Variants in VAV2 observed in about 807,000 individuals in gnomAD.
VAV2 encodes the protein guanine nucleotide exchange factor VAV2.
In VAV2, 67 loss-of-function variants were observed where a neutral mutation model predicts 132.5. The ratio of observed to expected loss-of-function variants is 0.51; its 90% CI spans 0.42 to 0.62. The LOEUF (loss-of-function observed/expected upper bound fraction) is 0.62, where lower values mean the gene tolerates loss of function less well. Among genes scored for constraint, VAV2 ranks in the 20% least tolerant of loss-of-function variants. VAV2 has a pLI of 0.00. For synonymous variants in VAV2, 492 were observed against 443.5 expected (o/e 1.11, Z -1.37); for missense variants, 938 against 1,153.6 (o/e 0.81, Z 2.71).
chr9:133,894,257 C>T (rs1021989967), intron 2 of VAV2, among the ~76,000 whole-genome samples: 5 of 152,260 alleles, frequency 3.3e-5, no homozygotes, highest in Admixed American at 1.3e-4. Context: ...AGCCGGGGCC[C>T]GGCCTGGCCA....
At chr9:133,797,020 C>T (rs762380313) in intron 10 of VAV2, among the ~76,000 whole-genome samples, 5 of 152,198 alleles carry the variant, frequency 3.3e-5, no homozygotes, top group East Asian at 1.9e-4. Flanking sequence ...TGGGGGGCAT[C>T]GTGCATCTCT....
chr9:133,838,389 G>A (rs1212621489), intron 3 of VAV2, among the ~76,000 whole-genome samples: 1 of 148,802 alleles, frequency 6.7e-6, no homozygotes, highest in Non-Finnish European at 1.5e-5. Flanking sequence ...GGCGGGGGGT[G>A]GATGGTTGGC....
intron 2 of VAV2, among the ~76,000 whole-genome samples, chr9:133,933,672 G>C (rs1840771976): frequency 1.0e-5 from 1 of 99,124 alleles, no homozygotes; most frequent in Non-Finnish European, 2.4e-5. Flanking sequence ...TGGGTGGACG[G>C]ATGGATAGAT....
intron 2 of VAV2, among the ~76,000 whole-genome samples, chr9:133,908,109 C>A (rs1047430245): frequency 2.7e-5 from 4 of 149,500 alleles, no homozygotes; most frequent in African/African-American, 9.9e-5. Flanking sequence ...TCTGGGGGCA[C>A]CCCTCCCACC....
Position 133,812,227 on chromosome 9 carries a change from G to A in VAV2, c.450-11C>T, listed in dbSNP as rs776807427. 1.4e-5 allele frequency: 22 copies of A among 1,613,370 alleles called. No homozygotes were observed. Among genetic ancestry groups the A allele is most frequent in the Middle Eastern group, 1.7e-4 (1 of 6,058 alleles). ...CCCAGGTCATGCTCGCTGCACAGGAGGAGGCGGGTTAGAGGGGAGGGGAGG... is the reference window on the plus strand; with the variant it reads ...CCCAGGTCATGCTCGCTGCACAGGAAGAGGCGGGTTAGAGGGGAGGGGAGG... On this transcript the variant is annotated splice_polypyrimidine_tract_variant and intron_variant, in intron 4 of 29. Coordinates refer to ENST00000371850, the MANE Select transcript of VAV2 (RefSeq NM_001134398.2).
At chr9:133,967,552 T>C (rs941769973) in intron 1 of VAV2, among the ~76,000 whole-genome samples, 1 of 152,052 alleles carries the variant, frequency 6.6e-6, no homozygotes, top group Non-Finnish European at 1.5e-5. Context: ...TATTCAGCCA[T>C]GAAAAAGAAT....
At chr9:133,776,148 T>C (rs578082730) in intron 23 of VAV2, 68 bp from the exon 24 acceptor site, 38 of 1,578,586 alleles carry the variant, frequency 2.4e-5, no homozygotes, top group Non-Finnish European at 3.3e-5. Context: ...TCAGAGGGGG[T>C]CATTGTCAGT....
rs1462758379 is a variant in VAV2 at position 133,824,358 on chromosome 9, G to C, written c.449+9914C>G. ...CACCAGCCCTCAGTTCCCGAGAACA[G>C]ACACAGCAGAGACCAGGACCCTCCT... On this transcript the variant is annotated intron_variant, in intron 4 of 29. Coordinates refer to ENST00000371850, the MANE Select transcript of VAV2 (RefSeq NM_001134398.2). This position sits in a 1 kb window ranked among gnomAD's most constrained non-coding sequence, Gnocchi z 5.2. 6.6e-6 allele frequency among the ~76,000 whole-genome samples: 1 copy of C among 152,032 alleles called. No individual in the cohort carries two copies. The highest frequency in any genetic ancestry group is 1.5e-5 in the Non-Finnish European group (1 of 68,006).
rs1324800709 is a variant in VAV2 at position 133,928,534 on chromosome 9, A to C, written c.321+10569T>G. 1.3e-5 allele frequency among the ~76,000 whole-genome samples: 2 copies of C among 152,216 alleles called. No homozygotes were observed. Among genetic ancestry groups the C allele is most frequent in the African/African-American group, 4.8e-5 (2 of 41,446 alleles). ...GTGCAAATGAACTCACCGCAGCATT[A>C]GCATCTCAGAGTCATCAGACCGACT... On this transcript the variant is annotated intron_variant, in intron 2 of 29. Transcript: ENST00000371850. The surrounding 1 kb of genome is among the most constrained non-coding windows in gnomAD (Gnocchi z 5.4).
At chr9:133,902,388 C>T (rs1047181828) in intron 2 of VAV2, among the ~76,000 whole-genome samples, 3 of 152,190 alleles carry the variant, frequency 2.0e-5, no homozygotes, top group African/African-American at 7.2e-5. Context: ...GGCCTTGGGG[C>T]TACCACATCC....
chr9:133,962,105 C>G (rs1841984801), intron 1 of VAV2, among the ~76,000 whole-genome samples: 1 of 152,130 alleles, frequency 6.6e-6, no homozygotes, highest in Non-Finnish European at 1.5e-5. Flanking sequence ...CAGACAGAAC[C>G]CCACAGGAGT....
At chr9:133,986,286 C>T (rs562050919) in intron 1 of VAV2, among the ~76,000 whole-genome samples, 6 of 152,286 alleles carry the variant, frequency 3.9e-5, no homozygotes, top group East Asian at 3.9e-4. Flanking sequence ...CGTGACCTGA[C>T]GCTGCTGATG....
At chr9:133,849,839 C>T (rs904344985) in intron 3 of VAV2, among the ~76,000 whole-genome samples, 1 of 152,230 alleles carries the variant, frequency 6.6e-6, no homozygotes, top group African/African-American at 2.4e-5. Context: ...GGACACTTGT[C>T]ATTGGATTTA....
At position 133,763,956 on chromosome 9, in the gene VAV2, G is replaced by A; in HGVS notation, c.*106C>T. ...CTATCCCTGTGGGCAGTGGAAGACT[G>A]GGAGGTTGGTATTTCCCCTCTGAGT... is the stretch of plus-strand genomic sequence containing the variant. On this transcript the variant is annotated 3_prime_UTR_variant, in exon 30 of 30. Transcript: ENST00000371850. This position sits in a 1 kb window ranked among gnomAD's most constrained non-coding sequence, Gnocchi z 6.8. The A allele has an allele frequency of 7.4e-7, 1 of 1,354,574 alleles. No individual in the cohort carries two copies. The highest frequency in any genetic ancestry group is 1.2e-5 in the South Asian group (1 of 83,248). 83.9% of individuals were successfully genotyped at this position (1,354,574 alleles called of 1,614,324 possible). A position where few individuals can be genotyped will look rare whatever the true frequency, so the allele number is the denominator to read the frequency against.
At chr9:133,808,900 C>G (rs1260650659) in intron 7 of VAV2, 140 bp downstream of exon 7, 1 of 740,188 alleles carries the variant, frequency 1.4e-6, no homozygotes, top group African/African-American at 1.8e-5. Context: ...GGAGGCAGAG[C>G]TGGGAGGGCC....
intron 2 of VAV2, among the ~76,000 whole-genome samples, chr9:133,869,899 C>T (rs963715878): frequency 5.3e-5 from 8 of 152,196 alleles, no homozygotes; most frequent in Non-Finnish European, 8.8e-5. Context: ...TATGTTGCCC[C>T]GGAAACTCAC....
chr9:133,912,699 T>C lies in VAV2; in HGVS notation c.321+26404A>G, dbSNP rs7028795. Among the ~76,000 whole-genome samples, 2,523 of 152,298 alleles carry C rather than the reference T, an allele frequency of 0.017. 72 individuals carry two copies. Among genetic ancestry groups the C allele is most frequent in the African/African-American group, 0.058 (2,409 of 41,562 alleles). On this transcript the variant is annotated intron_variant, in intron 2 of 29. Coordinates refer to ENST00000371850, the MANE Select transcript of VAV2 (RefSeq NM_001134398.2). The surrounding 1 kb of genome is among the most constrained non-coding windows in gnomAD (Gnocchi z 4.3). ...CTGTCAGGCAGCCATCCTCAGGGGC[T>C]GCAGTCACCGGTGGTTGACTATTAG...
chr9:133,805,241 C>T (rs950344295), intron 9 of VAV2, among the ~76,000 whole-genome samples: 14 of 152,160 alleles, frequency 9.2e-5, no homozygotes, highest in South Asian at 4.1e-4. Flanking sequence ...TTCTACAACT[C>T]CCCAGGCCCC....
chr9:133,985,649 T>C (rs1283338028), intron 1 of VAV2, among the ~76,000 whole-genome samples: 1 of 152,136 alleles, frequency 6.6e-6, no homozygotes, highest in South Asian at 2.1e-4. Context: ...AAACAGCTGG[T>C]TCTTAAGCTG....
Sources: allele counts gnomAD v4.1 joint callset (sites outside exome capture counted in the v4.1 genomes callset), GRCh38; gene constraint gnomAD v4.1.1; non-coding constraint Gnocchi (gnomAD v3.1); transcripts MANE v1.5; gene names NCBI Gene and HGNC (gene_info 2026-07-23, HGNC 2026-07-21).